RBMS3: variants seen among roughly 807,000 people sequenced by gnomAD.
RBMS3 encodes RNA-binding motif, single-stranded-interacting protein 3.
Under a neutral mutation model 66.8 loss-of-function variants are expected in RBMS3, and 27 were observed. That is an observed-to-expected ratio of 0.40 (90% confidence interval 0.30 to 0.56). The LOEUF (loss-of-function observed/expected upper bound fraction) is 0.56. RBMS3 is among the 20% of genes least tolerant of loss of function. RBMS3 has a pLI of 0.40. For synonymous variants in RBMS3, 188 were observed against 183.0 expected, an observed-to-expected ratio of 1.03 and a Z score of -0.22; for missense variants, 513 against 549.5, an observed-to-expected ratio of 0.93 and a Z score of 0.66.
chr3:29,572,293 G>C (rs1360949693), intron 3 of RBMS3, among the ~76,000 whole-genome samples: 1 of 152,058 alleles, frequency 6.6e-6, no homozygotes, highest in Admixed American at 6.6e-5. Context: ...TCTCTAGCTA[G>C]AATTTCCAGT....
chr3:29,971,579 T>A (rs1039045542), intron 12 of RBMS3, among the ~76,000 whole-genome samples: 3 of 152,148 alleles, frequency 2.0e-5, no homozygotes. Flanking sequence ...CCTTTAATTT[T>A]TTATGTTCTC....
intron 8 of RBMS3, among the ~76,000 whole-genome samples, chr3:29,887,111 C>T (rs180799230): frequency 6.6e-6 from 1 of 151,908 alleles, no homozygotes; most frequent in African/African-American, 2.4e-5. Context: ...TCTAGTCTTG[C>T]TTGAGTGGTT....
chr3:29,562,465 A>G (rs916694982), intron 3 of RBMS3, among the ~76,000 whole-genome samples: 2 of 152,160 alleles, frequency 1.3e-5, no homozygotes, highest in African/African-American at 4.8e-5. Context: ...CACTGGCTCT[A>G]CTACATGGGC....
chr3:29,992,766 GAAGGCAGATC>G (rs1485886316), intron 14 of RBMS3, among the ~76,000 whole-genome samples: 2 of 151,230 alleles, frequency 1.3e-5, no homozygotes, highest in Non-Finnish European at 3.0e-5. Flanking sequence ...GATTTTTGCT[GAAGGCAGATC>G]AAGGAATGAT....
chr3:29,720,988 G>A (rs77797898), intron 4 of RBMS3, among the ~76,000 whole-genome samples: 1,530 of 152,214 alleles, frequency 0.01, 26 homozygotes, highest in African/African-American at 0.034. Flanking sequence ...AGAAAAAGTA[G>A]TGGAAGAATC....
chr3:29,511,250 C>T (rs536530706), intron 3 of RBMS3, among the ~76,000 whole-genome samples: 7 of 152,174 alleles, frequency 4.6e-5, no homozygotes, highest in East Asian at 1.9e-4. Context: ...GAGCTGAGAT[C>T]GCACCACTGC....
intron 6 of RBMS3, among the ~76,000 whole-genome samples, chr3:29,779,842 A>G (rs899833640): frequency 6.6e-6 from 1 of 150,684 alleles, no homozygotes; most frequent in African/African-American, 2.4e-5. Context: ...TGTCCTTTAC[A>G]CTTGTAGACA....
intron 10 of RBMS3, among the ~76,000 whole-genome samples, chr3:29,927,850 T>C (rs72848093): frequency 0.03 from 4,609 of 152,186 alleles, 227 homozygotes; most frequent in African/African-American, 0.11. Context: ...TTGACAGAGA[T>C]AATGCTGAAA....
intron 4 of RBMS3, among the ~76,000 whole-genome samples, chr3:29,620,534 G>C (rs908729554): frequency 1.8e-4 from 27 of 152,066 alleles, no homozygotes; most frequent in African/African-American, 6.3e-4. Context: ...TTTAATTGAG[G>C]TGGTCCACTT....
intron 4 of RBMS3, among the ~76,000 whole-genome samples, chr3:29,625,118 C>G (rs900751650): frequency 1.3e-5 from 2 of 152,112 alleles, no homozygotes; most frequent in Admixed American, 6.5e-5. Flanking sequence ...GCCTTGCTTC[C>G]TTTTTGCCTT....
At chr3:29,851,409 G>A (rs996265806) in intron 6 of RBMS3, among the ~76,000 whole-genome samples, 3 of 152,056 alleles carry the variant, frequency 2.0e-5, no homozygotes, top group South Asian at 2.1e-4. Flanking sequence ...ATCAAGACCC[G>A]GGATTATATA....
chr3:29,961,290 G>A (rs1302691410), intron 12 of RBMS3, among the ~76,000 whole-genome samples: 2 of 152,144 alleles, frequency 1.3e-5, no homozygotes, highest in Non-Finnish European at 2.9e-5. Flanking sequence ...GACCACCTCA[G>A]CCTGGACTTC....
At chr3:29,968,808 GCAAGCCTC>G (rs1697035918) in intron 12 of RBMS3, among the ~76,000 whole-genome samples, 1 of 152,230 alleles carries the variant, frequency 6.6e-6, no homozygotes, top group African/African-American at 2.4e-5. Flanking sequence ...AATTCACAGT[GCAAGCCTC>G]CGCATGCTGC....
At chr3:29,862,850 C>CA (rs1254656000) in intron 6 of RBMS3, among the ~76,000 whole-genome samples, 4 of 81,362 alleles carry the variant, frequency 4.9e-5, no homozygotes, top group African/African-American at 1.9e-4. Flanking sequence ...GTCTCTGTCT[C>CA]AAAAAAGAAA....
At chr3:29,334,064 A>AGAG in intron 1 of RBMS3, among the ~76,000 whole-genome samples, 1 of 151,582 alleles carries the variant, frequency 6.6e-6, no homozygotes, top group East Asian at 2.0e-4. Flanking sequence ...GGACTATACT[A>AGAG]GAGAGTTGAT....
chr3:29,377,031 G>A (rs2038511344), intron 1 of RBMS3, among the ~76,000 whole-genome samples: 2 of 152,070 alleles, frequency 1.3e-5, no homozygotes, highest in Admixed American at 6.5e-5. Flanking sequence ...GGAGGTTGAA[G>A]TGAGCCAAGA....
intron 3 of RBMS3, among the ~76,000 whole-genome samples, chr3:29,495,520 A>T (rs1255645907): frequency 1.4e-5 from 2 of 144,064 alleles, no homozygotes; most frequent in African/African-American, 2.6e-5. Flanking sequence ...TCCAGCAATT[A>T]TTCTCCTGCC....
intron 2 of RBMS3, among the ~76,000 whole-genome samples, chr3:29,470,828 A>G (rs1175032982): frequency 6.6e-6 from 1 of 151,486 alleles, no homozygotes; most frequent in Non-Finnish European, 1.5e-5. Context: ...TATCACAATC[A>G]ATCAATAAAC....
At position 29,550,320 on chromosome 3, in the gene RBMS3, C is replaced by A. The variant is rs1028347363; in HGVS notation, c.308-36794C>A. ...TGTAATGTTACATTTCATAGGGCTG[C>A]CAGATTTATAAAATATAGGATGCTC... On this transcript the variant is annotated intron_variant, in intron 3 of 14. Coordinates refer to ENST00000383767, the MANE Select transcript of RBMS3 (RefSeq NM_001003793.3). Among the ~76,000 whole-genome samples the A allele has an allele frequency of 2.6e-5, 4 of 152,058 alleles. No individual in the cohort carries two copies. The South Asian group carries it at 6.2e-4, about 24-fold the overall frequency.
Sources: allele counts gnomAD v4.1 joint callset (sites outside exome capture counted in the v4.1 genomes callset), GRCh38; gene constraint gnomAD v4.1.1; transcripts MANE v1.5; gene names NCBI Gene and HGNC (gene_info 2026-07-23, HGNC 2026-07-21).